Variants in USH2A observed in about 807,000 individuals in gnomAD.
The protein encoded by USH2A is Usher syndrome 2A (autosomal recessive, mild).
USH2A carries 443 observed loss-of-function variants against 538.9 expected under a neutral mutation model. The ratio of observed to expected loss-of-function variants is 0.82; its 90% CI spans 0.76 to 0.89. The LOEUF is 0.89. Among genes scored for constraint, USH2A ranks in the 40% least tolerant of loss-of-function variants. The probability of loss-of-function intolerance (pLI) is 0.00; values close to 1 mark genes in which losing one functional copy is unlikely to be tolerated. For missense variants in USH2A, 6,633 were observed against 6,324.8 expected (o/e 1.05, Z -1.65); for synonymous variants, 2,413 against 2,273.5 (o/e 1.06, Z -1.75).
At chr1:216,272,380 G>C (rs2036590498) in intron 11 of USH2A, among the ~76,000 whole-genome samples, 1 of 152,030 alleles carries the variant, frequency 6.6e-6, no homozygotes, top group South Asian at 2.1e-4. Flanking sequence ...GGTACTTTGT[G>C]TTTTCTGCTC....
At chr1:216,419,294 A>G (rs554872472) in intron 2 of USH2A, among the ~76,000 whole-genome samples, 2 of 152,276 alleles carry the variant, frequency 1.3e-5, no homozygotes, top group Middle Eastern at 6.8e-3. Context: ...TACTGAGATC[A>G]TGTTAAATAT....
intron 3 of USH2A, among the ~76,000 whole-genome samples, chr1:216,397,342 G>T (rs2039228096): frequency 6.6e-6 from 1 of 152,182 alleles, no homozygotes. Flanking sequence ...AATAGGCCAT[G>T]TGATGGTTAA....
chr1:215,808,393 C>T (rs1662563228), intron 49 of USH2A, among the ~76,000 whole-genome samples: 1 of 152,020 alleles, frequency 6.6e-6, no homozygotes, highest in African/African-American at 2.4e-5. Context: ...GGTCATGTTT[C>T]TATGTCCCAT....
At chr1:216,175,546 C>T (rs2034361457) in intron 20 of USH2A, 64 bp from the exon 21 acceptor site, 1 of 1,413,024 alleles carries the variant, frequency 7.1e-7, no homozygotes, top group South Asian at 1.2e-5. Flanking sequence ...CACACATATT[C>T]ACATATACGT....
At chr1:215,999,876 T>C (rs1331208897) in intron 33 of USH2A, among the ~76,000 whole-genome samples, 1 of 152,110 alleles carries the variant, frequency 6.6e-6, no homozygotes, top group Non-Finnish European at 1.5e-5. Context: ...GAGATAAATA[T>C]GAACAAGTAT....
chr1:216,365,616 A>G (rs780495003), intron 3 of USH2A, among the ~76,000 whole-genome samples: 2 of 152,182 alleles, frequency 1.3e-5, no homozygotes, highest in African/African-American at 2.4e-5. Flanking sequence ...AAAGTTGCCA[A>G]TCATATTCTA....
intron 32 of USH2A, 138 bp downstream of exon 32, chr1:216,046,293 T>C: frequency 1.1e-6 from 1 of 881,338 alleles, no homozygotes. Context: ...GTTCTGTTGT[T>C]ATTTTTTTCA....
rs556083503 is a variant in USH2A at position 216,306,993 on chromosome 1, G to A, written c.1645-14623C>T. 2.0e-5 allele frequency among the ~76,000 whole-genome samples: 3 copies of A among 152,260 alleles called. No individual in the cohort carries two copies. In the East Asian group the frequency reaches 5.8e-4, roughly 29 times the overall value. On this transcript the variant is annotated intron_variant, in intron 9 of 71. Transcript: ENST00000307340. ...TGTTGTATTTTTGTTTATTGCACTA[G>A]TTTTGTGTTGGTTGGCCTTCAGACA...
intron 27 of USH2A, among the ~76,000 whole-genome samples, chr1:216,074,803 C>T (rs994414417): frequency 6.6e-6 from 1 of 152,076 alleles, no homozygotes; most frequent in African/African-American, 2.4e-5. Flanking sequence ...ACTTCCCTAC[C>T]AACAAAATCA....
intron 23 of USH2A, among the ~76,000 whole-genome samples, chr1:216,088,280 C>T (rs1220147134): frequency 6.6e-6 from 1 of 152,002 alleles, no homozygotes; most frequent in Non-Finnish European, 1.5e-5. Flanking sequence ...CTTTCCCTCT[C>T]ATCTGGCTTT....
intron 21 of USH2A, among the ~76,000 whole-genome samples, chr1:216,139,335 G>C (rs1460365287): frequency 6.6e-6 from 1 of 151,500 alleles, no homozygotes; most frequent in East Asian, 1.9e-4. Flanking sequence ...CCTAGGCACA[G>C]GCTGTTAAAA....
rs531434455 is a variant in USH2A at position 216,371,839 on chromosome 1, G to T, written c.652-6754C>A. Among the ~76,000 whole-genome samples, 4 of 152,242 alleles carry T rather than the reference G, an allele frequency of 2.6e-5. No individual in the cohort carries two copies. In the South Asian group the frequency reaches 8.3e-4, roughly 32 times the overall value. On this transcript the variant is annotated intron_variant, in intron 3 of 71. Coordinates refer to ENST00000307340, the MANE Select transcript of USH2A (RefSeq NM_206933.4). The stretch of plus-strand genomic sequence containing the variant: ...AAAACAACAACATGAACTATGTGAT[G>T]TTACAACTCTAAGCAATAAAGAAAA...
rs888643448 is a variant in USH2A, at chr1:215,709,666, A to C, written c.12066+18364T>G. On this transcript the variant is annotated intron_variant, in intron 61 of 71. Coordinates refer to ENST00000307340, the MANE Select transcript of USH2A (RefSeq NM_206933.4). ...TTTGTAAAAAAAAAAAAAAAAAAAAAAAAACTCATTCCCTTGACTAATTTC... is the reference window on the plus strand; with the variant it reads ...TTTGTAAAAAAAAAAAAAAAAAAAACAAAACTCATTCCCTTGACTAATTTC... Among the ~76,000 whole-genome samples, 24 of 149,232 alleles carry C rather than the reference A, an allele frequency of 1.6e-4. No individual in the cohort carries two copies. In the East Asian group the frequency reaches 2.7e-3, roughly 17 times the overall value.
At chr1:215,726,172 G>A (rs1659812307) in intron 61 of USH2A, among the ~76,000 whole-genome samples, 1 of 152,140 alleles carries the variant, frequency 6.6e-6, no homozygotes, top group Non-Finnish European at 1.5e-5. Flanking sequence ...TTTACTTTAA[G>A]GGTGAAAGTT....
chr1:215,968,200 G>A (rs927511562), intron 36 of USH2A, among the ~76,000 whole-genome samples: 1 of 152,028 alleles, frequency 6.6e-6, no homozygotes, highest in African/African-American at 2.4e-5. Context: ...ACTTGACAAT[G>A]CACATTAGCA....
chr1:216,299,766 G>A (rs2037179055), intron 9 of USH2A, among the ~76,000 whole-genome samples: 1 of 152,094 alleles, frequency 6.6e-6, no homozygotes, highest in African/African-American at 2.4e-5. Flanking sequence ...TACTATGTAA[G>A]CTAAAAAGTT....
chr1:215,778,240 C>T (rs1285079738), intron 55 of USH2A, among the ~76,000 whole-genome samples: 3 of 151,952 alleles, frequency 2.0e-5, no homozygotes, highest in African/African-American at 4.8e-5. Context: ...TTAGTAGAGA[C>T]GAGGTTTTGC....
chr1:215,965,363 G>C lies in USH2A; in HGVS notation c.7074C>G (p.Leu2358=). The C allele has an allele frequency of 6.2e-7, 1 of 1,613,886 alleles. No individual in the cohort carries two copies. Among genetic ancestry groups the C allele is most frequent in the Non-Finnish European group, 8.5e-7 (1 of 1,179,846 alleles). Residue 2358 remains leucine (L), a synonymous_variant, in exon 37 of 72, where the codon CTC becomes CTG. Coordinates refer to ENST00000307340, the MANE Select transcript of USH2A (RefSeq NM_206933.4). ...RWEAPFRPNG[L]LTHSVLFTGI... ...CAGTGAAAAGGACTGAGTGTGTTAA[G>C]AGTCCATTAGGGCGAAAAGGTGCTT...
chr1:215,940,754 T>C (rs1269101520), intron 37 of USH2A, among the ~76,000 whole-genome samples: 1 of 152,172 alleles, frequency 6.6e-6, no homozygotes, highest in African/African-American at 2.4e-5. Context: ...ATTACTGTAA[T>C]AGTGATTTTA....
Sources: gnomAD v4.1 joint callset for allele counts (sites outside exome capture counted in the v4.1 genomes callset) on GRCh38, gnomAD v4.1.1 for gene constraint, MANE v1.5 for transcripts, NCBI Gene and HGNC (gene_info 2026-07-23, HGNC 2026-07-21) for gene names.